The following NAV2 variants were observed in gnomAD, a reference collection of about 807,000 sequenced individuals.
The protein encoded by NAV2 is helicase, APC down-regulated 1.
In NAV2, 54 loss-of-function variants were observed where a neutral mutation model predicts 223.2. The observed-to-expected ratio is 0.24, with a 90% CI of 0.19 to 0.30. The LOEUF is 0.30. Among genes scored for constraint, NAV2 ranks in the 10% least tolerant of loss-of-function variants. The probability of loss-of-function intolerance (pLI) is 1.00; values close to 1 mark genes in which losing one functional copy is unlikely to be tolerated. For missense variants in NAV2, 2,806 were observed against 3,147.5 expected (o/e 0.89, Z 2.60); for synonymous variants, 1,279 against 1,239.3 (o/e 1.03, Z -0.67).
intron 5 of NAV2, among the ~76,000 whole-genome samples, chr11:19,890,608 C>A (rs1041825864): frequency 1.3e-5 from 2 of 152,194 alleles, no homozygotes; most frequent in African/African-American, 4.8e-5. Context: ...TAATGATTCC[C>A]AAAGACTCTG....
intron 1 of NAV2, among the ~76,000 whole-genome samples, chr11:19,582,104 T>C (rs930881313): frequency 1.4e-4 from 22 of 152,396 alleles, no homozygotes; most frequent in African/African-American, 5.3e-4. Flanking sequence ...TTTGCATTTC[T>C]CTGATGGCCA....
At chr11:19,583,734 G>C (rs1295204400) in intron 1 of NAV2, among the ~76,000 whole-genome samples, 1 of 152,214 alleles carries the variant, frequency 6.6e-6, no homozygotes, top group East Asian at 1.9e-4. Flanking sequence ...AAGCCCACTT[G>C]ATCGTGGTGG....
chr11:20,036,123 T>G, intron 12 of NAV2, 26 bp downstream of exon 12: 1 of 1,613,852 alleles, frequency 6.2e-7, no homozygotes, highest in Non-Finnish European at 8.5e-7. Context: ...CCTCCCAGGC[T>G]CCTCCAGCAG....
chr11:19,959,328 C>T (rs747634939), intron 10 of NAV2, among the ~76,000 whole-genome samples: 2 of 152,144 alleles, frequency 1.3e-5, no homozygotes, highest in Non-Finnish European at 2.9e-5. Context: ...GAACACCCTG[C>T]GTGTCCATAG....
intron 1 of NAV2, among the ~76,000 whole-genome samples, chr11:19,698,057 G>A (rs1193845200): frequency 1.3e-5 from 2 of 152,132 alleles, no homozygotes; most frequent in African/African-American, 4.8e-5. Context: ...CACAGCACAG[G>A]GCTGAGTGCT....
chr11:19,579,565 T>C (rs2045658681), intron 1 of NAV2, among the ~76,000 whole-genome samples: 1 of 152,224 alleles, frequency 6.6e-6, no homozygotes, highest in Non-Finnish European at 1.5e-5. Context: ...ATCTTGAATA[T>C]GTTGATTTAC....
chr11:19,474,652 A>G (rs1258160797), intron 1 of NAV2, among the ~76,000 whole-genome samples: 1 of 152,250 alleles, frequency 6.6e-6, no homozygotes, highest in East Asian at 1.9e-4. Context: ...GCTGTATAAA[A>G]ACAATATATT....
chr11:19,384,309 A>G (rs1487845337), intron 1 of NAV2, among the ~76,000 whole-genome samples: 2 of 152,234 alleles, frequency 1.3e-5, no homozygotes, highest in Non-Finnish European at 2.9e-5. Flanking sequence ...CATGGTAAAC[A>G]GATATTACTT....
intron 35 of NAV2, 31 bp downstream of exon 35, chr11:20,105,758 G>T: frequency 6.3e-7 from 1 of 1,577,052 alleles, no homozygotes; most frequent in Non-Finnish European, 8.7e-7. Context: ...AGGGGGGCGG[G>T]CTGGCATCCT....
chr11:20,082,857 A>G, intron 25 of NAV2, 150 bp from the exon 26 acceptor site: 2 of 777,574 alleles, frequency 2.6e-6, no homozygotes, highest in Non-Finnish European at 4.1e-6. Flanking sequence ...CCCTTAATGC[A>G]CTGATTCAAA....
chr11:19,421,764 CTTT>C (rs373669949), intron 1 of NAV2, among the ~76,000 whole-genome samples: 3 of 84,534 alleles, frequency 3.5e-5, no homozygotes, highest in African/African-American at 9.6e-5. Flanking sequence ...AAGAGAGAGG[CTTT>C]TTTTTTTTTT....
intron 1 of NAV2, among the ~76,000 whole-genome samples, chr11:19,565,901 G>C (rs368861321): frequency 1.3e-5 from 2 of 152,192 alleles, no homozygotes; most frequent in African/African-American, 4.8e-5. Context: ...TGGAGGAAAA[G>C]AACTTGCGAC....
At chr11:19,929,834 T>A (rs556160124) in intron 6 of NAV2, among the ~76,000 whole-genome samples, 1 of 152,276 alleles carries the variant, frequency 6.6e-6, no homozygotes, top group South Asian at 2.1e-4. Flanking sequence ...GGAGTCTCTG[T>A]CCTGGAGGAA....
At chr11:20,004,352 T>G (rs1485297990) in intron 11 of NAV2, among the ~76,000 whole-genome samples, 1 of 152,220 alleles carries the variant, frequency 6.6e-6, no homozygotes, top group African/African-American at 2.4e-5. Context: ...TTTTTTGTGC[T>G]TCAGTTTCCC....
intron 1 of NAV2, among the ~76,000 whole-genome samples, chr11:19,474,992 G>A (rs985722734): frequency 1.3e-5 from 2 of 152,248 alleles, no homozygotes; most frequent in African/African-American, 4.8e-5. Flanking sequence ...GGTGGGGAAT[G>A]AGTTGGTCAA....
intron 6 of NAV2, among the ~76,000 whole-genome samples, chr11:19,921,321 A>G (rs1171345479): frequency 6.6e-6 from 1 of 152,220 alleles, no homozygotes; most frequent in Non-Finnish European, 1.5e-5. Flanking sequence ...TGATTCCTCC[A>G]GAGAAATATA....
chr11:19,596,056 T>G (rs1032647257), intron 1 of NAV2, among the ~76,000 whole-genome samples: 5 of 152,236 alleles, frequency 3.3e-5, no homozygotes, highest in African/African-American at 1.2e-4. Context: ...AAAATGGTAT[T>G]AGTCACCCAC....
chr11:20,065,672 C>T (rs1380116470), intron 20 of NAV2, among the ~76,000 whole-genome samples: 1 of 152,142 alleles, frequency 6.6e-6, no homozygotes, highest in Non-Finnish European at 1.5e-5. Context: ...ATAATTGGGG[C>T]CCAACCCCAG....
Position 19,934,068 on chromosome 11 carries a change from AC to A in NAV2, c.1825del (p.His609ThrfsTer21). 6.2e-7 allele frequency: 1 copy of A among 1,608,680 alleles called. No individual in the cohort carries two copies. Among genetic ancestry groups the A allele is most frequent in the Non-Finnish European group, 8.5e-7 (1 of 1,177,266 alleles). On this transcript the variant is annotated frameshift_variant, in exon 7 of 38. Transcript: ENST00000349880. LOFTEE classifies it high-confidence loss of function. ...AGCAGAAGCCCCAGCTGGACGGCAGACACTCCAGTTCCTCTTCCAGCCTGGC... is the reference window on the plus strand; with the variant it reads ...AGCAGAAGCCCCAGCTGGACGGCAGAACTCCAGTTCCTCTTCCAGCCTGGC... ...PQQKPQLDGR[H>X]SSSSSSLASS...
Sources: allele counts gnomAD v4.1 joint callset (sites outside exome capture counted in the v4.1 genomes callset), GRCh38; gene constraint gnomAD v4.1.1; transcripts MANE v1.5; gene names NCBI Gene and HGNC (gene_info 2026-07-23, HGNC 2026-07-21).